Variants in HCFC1 observed in about 807,000 individuals in gnomAD.
HCFC1 encodes the protein host cell factor 1.
In HCFC1, 7 loss-of-function variants were observed where a neutral mutation model predicts 105.5. That is an observed-to-expected ratio of 0.07 (90% CI 0.04 to 0.12). The LOEUF (loss-of-function observed/expected upper bound fraction) is 0.12. Among genes scored for constraint, HCFC1 ranks in the 10% least tolerant of loss-of-function variants. The probability of loss-of-function intolerance (pLI) is 1.00; values close to 1 mark genes in which losing one functional copy is unlikely to be tolerated. For missense variants in HCFC1, 1,065 were observed against 1,823.6 expected (o/e 0.58, Z 7.58); for synonymous variants, 918 against 828.1 (o/e 1.11, Z -1.86).
intron 2 of HCFC1, 138 bp downstream of exon 2, chrX:153,964,439 CT>C (rs1190231790): frequency 2.3e-6 from 2 of 877,791 alleles, no homozygotes; most frequent in African/African-American, 4.1e-5. Context: ...CTGCCTTCTT[CT>C]GAGGTGGGCC....
At chrX:153,959,297 G>C in intron 9 of HCFC1, 34 bp downstream of exon 9, 1 of 1,174,698 alleles carries the variant, frequency 8.5e-7, no homozygotes, top group Non-Finnish European at 1.1e-6. Flanking sequence ...TGGATCAACA[G>C]GAAATCCCAC....
Position 153,952,905 on chromosome X carries a change from C to A in HCFC1, c.4551G>T (p.Arg1517=). ...CTGTGGAAGCCGACTGCAGAAGCTG[C>A]CGTGGCGGCAGCTGCTGGCGAGGAC... The part of the protein sequence containing the change: ...SPGPRQQLPP[R]QLLQSASTAL... Residue 1517 remains arginine, a synonymous_variant, in exon 19 of 26, where the codon CGG becomes CGT. Transcript: ENST00000310441. The A allele has an allele frequency of 8.5e-7, 1 of 1,180,997 alleles. No homozygotes were observed. The highest frequency in any genetic ancestry group is 1.1e-6 in the Non-Finnish European group (1 of 880,973).
intron 10 of HCFC1, 83 bp downstream of exon 10, chrX:153,958,486 C>G (rs1485384328): frequency 1.4e-5 from 13 of 926,889 alleles, no homozygotes; most frequent in Non-Finnish European, 1.7e-5. Flanking sequence ...TTCTGCAGCC[C>G]ACGGTCCAAC....
intron 14 of HCFC1, 63 bp downstream of exon 14, chrX:153,956,855 C>G (rs1467738656): frequency 8.3e-7 from 1 of 1,201,871 alleles, no homozygotes; most frequent in Non-Finnish European, 1.1e-6. Context: ...GGAGGACCTG[C>G]GTGGCGTGCT....
In HCFC1 at chrX:153,971,453, G is replaced by A. The variant is rs1428826194; in HGVS notation, c.-613C>T. The A allele has an allele frequency of 6.8e-6, 2 of 293,376 alleles. No homozygotes were observed. Among genetic ancestry groups the A allele is most frequent in the African/African-American group, 5.5e-5 (2 of 36,681 alleles). 24.2% of individuals were successfully genotyped at this position (293,376 alleles called of 1,213,427 possible). On this transcript the variant is annotated 5_prime_UTR_variant, in exon 1 of 26. Transcript: ENST00000310441. Reference sequence around the variant, plus strand: ...CGACACACCTAACGAATGGAGGCGGGCCGGAGGCCGGTGGAACCAGCTCGA... The same window carrying A: ...CGACACACCTAACGAATGGAGGCGGACCGGAGGCCGGTGGAACCAGCTCGA...
At position 153,971,738 on chromosome X, in the gene HCFC1, C is replaced by T. The variant is rs2065537577; in HGVS notation, c.-898G>A. ...CCGCTTCAAAGAGCTAGAGTTAGGC[C>T]CCGAAGCGGCAACTGTACGGCAGAA... is the stretch of plus-strand genomic sequence containing the variant. On this transcript the variant is annotated 5_prime_UTR_variant, in exon 1 of 26. Transcript: ENST00000310441. The T allele has an allele frequency of 3.4e-6, 1 of 296,940 alleles. No individual in the cohort carries two copies. Among genetic ancestry groups the T allele is most frequent in the African/African-American group, 2.7e-5 (1 of 36,821 alleles). 24.5% of individuals were successfully genotyped at this position (296,940 alleles called of 1,213,427 possible).
chrX:153,971,240 GGCCCGGTTCCCACACCCCCAAGTCCCCA>G lies in HCFC1; in HGVS notation c.-428_-401del, dbSNP rs1239051991. On this transcript the variant is annotated 5_prime_UTR_variant, in exon 1 of 26. Coordinates refer to ENST00000310441, the MANE Select transcript of HCFC1 (RefSeq NM_005334.3). ...CCCCCGCCGGAAATGGCGGAGCCCC[GGCCCGGTTCCCACACCCCCAAGTCCCCA>G]GCACTGGCCGGCTTCCGGGGCGGGT... 1 of 307,724 alleles carries G rather than the reference GGCCCGGTTCCCACACCCCCAAGTCCCCA, an allele frequency of 3.2e-6. No homozygotes were observed. The highest frequency in any genetic ancestry group is 2.7e-5 in the African/African-American group (1 of 36,544). 25.4% of individuals were successfully genotyped at this position (307,724 alleles called of 1,213,427 possible).
chrX:153,953,985 G>A (rs1468831156), intron 17 of HCFC1, 81 bp downstream of exon 17: 3 of 1,074,962 alleles, frequency 2.8e-6, no homozygotes, highest in Admixed American at 2.5e-5. Flanking sequence ...GACTCTGGAC[G>A]GACCCCCGCC....
rs143653378 is a variant in HCFC1, at chrX:153,950,194, G to A, written c.6004+49C>T. On this transcript the variant is annotated intron_variant, in intron 24 of 25. Coordinates refer to ENST00000310441, the MANE Select transcript of HCFC1 (RefSeq NM_005334.3). Reference sequence around the variant, plus strand: ...GTGACAGTTCCTCCTGCTGCACCCGGCTTCCTGGGCCTTCCCTGTGCCTGA... The same window carrying A: ...GTGACAGTTCCTCCTGCTGCACCCGACTTCCTGGGCCTTCCCTGTGCCTGA... 2.8e-3 allele frequency: 3,094 copies of A among 1,085,723 alleles called. 6 individuals are homozygous for A. The highest frequency in any genetic ancestry group is 3.4e-3 in the Non-Finnish European group (2,799 of 822,620). The allele number at this position is 1,085,723 out of a possible 1,213,427, so 89.5% of individuals were successfully genotyped here. A position where few individuals can be genotyped will look rare whatever the true frequency, so the allele number is the denominator to read the frequency against.
rs1557112253 is a variant in HCFC1 at position 153,950,903 on chromosome X, G to A, written c.5613C>T (p.Ala1871=). Residue 1871 remains alanine (A), a synonymous_variant, in exon 23 of 26, where the codon GCC becomes GCT. Coordinates refer to ENST00000310441, the MANE Select transcript of HCFC1 (RefSeq NM_005334.3). ...TTTCGCTGAAGGGCCCCCGGCCACA[G>A]GCATTGATTCCGGCAACACGAAACT... The part of the protein sequence containing the change: ...AYKFRVAGIN[A]CGRGPFSEIS... The A allele has an allele frequency of 5.8e-6, 7 of 1,210,883 alleles. No homozygotes were observed. In the Admixed American group the frequency reaches 1.1e-4, roughly 19 times the overall value.
At chrX:153,969,127 T>C (rs898910355) in intron 1 of HCFC1, among the ~76,000 whole-genome samples, 1 of 108,156 alleles carries the variant, frequency 9.2e-6, no homozygotes, top group African/African-American at 3.4e-5. Flanking sequence ...CCTTGGGGGG[T>C]GGGGAAGGAA....
Position 153,954,380 on chromosome X carries a change from C to T in HCFC1, c.4019G>A (p.Gly1340Glu). The T allele has an allele frequency of 1.7e-6, 2 of 1,200,849 alleles. No homozygotes were observed. Among genetic ancestry groups the T allele is most frequent in the South Asian group, 3.5e-5 (2 of 56,464 alleles). Residue 1340 changes from glycine (G) to glutamate (E), a missense_variant, in exon 17 of 26, where the codon GGG becomes GAG. This residue lies in a region of HCFC1 where 546 missense variants were observed against 599.9 expected (regional missense o/e 0.91). Coordinates refer to ENST00000310441, the MANE Select transcript of HCFC1 (RefSeq NM_005334.3). ...CCCACCCTCGGGCTGGCCCGTGCCC[C>T]CGTTTGAAGTAGCGGTGGTGGCCGT... ...THTATTATSN[G>E]GTGQPEGGQQ...
Position 153,949,346 on chromosome X carries a change from C to G in HCFC1, c.*1G>C. ...GAATCCAGGGGCTAGTCAGCTTCCT[C>G]TCACTGACCATCGGCCTTAGATTTC... On this transcript the variant is annotated 3_prime_UTR_variant, in exon 26 of 26. Transcript: ENST00000310441. 8.3e-7 allele frequency: 1 copy of G among 1,205,492 alleles called. No homozygotes were observed. Among genetic ancestry groups the G allele is most frequent in the Non-Finnish European group, 1.1e-6 (1 of 891,383 alleles).
intron 24 of HCFC1, 138 bp downstream of exon 24, chrX:153,950,105 T>G (rs1338584386): frequency 6.2e-6 from 4 of 641,239 alleles, no homozygotes; most frequent in South Asian, 3.3e-5. Context: ...GCCACCCCCG[T>G]GGGGGGCTGT....
At chrX:153,969,081 A>G (rs1557119236) in intron 1 of HCFC1, among the ~76,000 whole-genome samples, 1 of 111,772 alleles carries the variant, frequency 8.9e-6, no homozygotes, top group Admixed American at 9.4e-5. Context: ...GTAGGTGGCG[A>G]TAATCTCCGA....
rs1361106029 is a variant in HCFC1 at position 153,948,346 on chromosome X, G to A, written c.*1001C>T. ...GGACAGGCAAAAGGGCAGAGGGCAG[G>A]GGCCAGCAACAGGAAGTTGGGCTGG... On this transcript the variant is annotated 3_prime_UTR_variant, in exon 26 of 26. Transcript: ENST00000310441. 3.6e-5 allele frequency: 4 copies of A among 112,155 alleles called. No individual in the cohort carries two copies. The highest frequency in any genetic ancestry group is 7.5e-5 in the Non-Finnish European group (4 of 53,151). The allele number at this position is 112,155 out of a possible 1,213,427, so 9.2% of individuals were successfully genotyped here. A position where few individuals can be genotyped will look rare whatever the true frequency, so the allele number is the denominator to read the frequency against.
intron 20 of HCFC1, 34 bp from the exon 21 acceptor site, chrX:153,951,741 C>T (rs782321308): frequency 1.4e-5 from 16 of 1,182,091 alleles, no homozygotes; most frequent in African/African-American, 5.3e-5. Context: ...GGGAAAGACT[C>T]GGGAAACCTG....
At chrX:153,957,121 T>G (rs962283725) in intron 13 of HCFC1, 61 bp from the exon 14 acceptor site, 13 of 1,126,680 alleles carry the variant, frequency 1.2e-5, no homozygotes, top group Admixed American at 2.3e-5. Context: ...CTGCTGCCCC[T>G]AGACTATAAT....
rs782146702 is a variant in HCFC1, at chrX:153,958,911, AC to A, written c.1606-146del. ...ATGGCTCAGCTTTCTCTACTGCCAG[AC>A]CCCGCTCTCCTGGCCCCAGACACAG... On this transcript the variant is annotated intron_variant, in intron 9 of 25. Transcript: ENST00000310441. 3.5e-4 allele frequency: 154 copies of A among 443,754 alleles called. No homozygotes were observed. The African/African-American group carries it at 3.7e-3, about 11-fold the overall frequency. 36.6% of individuals were successfully genotyped at this position (443,754 alleles called of 1,213,427 possible).
Sources: gnomAD v4.1 joint callset for allele counts (sites outside exome capture counted in the v4.1 genomes callset) on GRCh38, gnomAD v4.1.1 for gene constraint, gnomAD v4.1.1 regional missense constraint, MANE v1.5 for transcripts, NCBI Gene and HGNC (gene_info 2026-07-23, HGNC 2026-07-21) for gene names.